The following SH3RF2 variants were observed in gnomAD, a reference collection of about 807,000 sequenced individuals.
SH3RF2 encodes the protein SH3 domain containing ring finger 2, also known as E3 ubiquitin-protein ligase SH3RF2.
Under a neutral mutation model 59.0 loss-of-function variants are expected in SH3RF2, and 43 were observed. The observed-to-expected ratio is 0.73, with a 90% CI of 0.57 to 0.94. SH3RF2 has a LOEUF of 0.94. Among genes scored for constraint, SH3RF2 ranks in the 40% least tolerant of loss-of-function variants. The pLI is 0.00. For synonymous variants in SH3RF2, 391 were observed against 391.5 expected (o/e 1.00, Z 0.01); for missense variants, 930 against 940.1 (o/e 0.99, Z 0.14).
chr5:146,028,788 A>C (rs769013302), intron 5 of SH3RF2, among the ~76,000 whole-genome samples: 1 of 152,218 alleles, frequency 6.6e-6, no homozygotes, highest in Non-Finnish European at 1.5e-5. Context: ...TAGCCCCAGC[A>C]GACCACTCTT....
intron 2 of SH3RF2, among the ~76,000 whole-genome samples, chr5:145,992,597 C>A (rs910935560): frequency 6.6e-6 from 1 of 152,126 alleles, no homozygotes; most frequent in African/African-American, 2.4e-5. Context: ...ACAATCATGG[C>A]AGAAGGCAAG....
intron 5 of SH3RF2, among the ~76,000 whole-genome samples, chr5:146,018,201 T>G (rs1761178373): frequency 6.6e-6 from 1 of 152,028 alleles, no homozygotes; most frequent in Non-Finnish European, 1.5e-5. Flanking sequence ...ATCACCGGAG[T>G]AGCCTCCATT....
At chr5:145,950,252 C>T (rs558773068) in intron 2 of SH3RF2, among the ~76,000 whole-genome samples, 3 of 152,116 alleles carry the variant, frequency 2.0e-5, no homozygotes, top group Non-Finnish European at 4.4e-5. Flanking sequence ...GAACTTGAAC[C>T]AGGTCTGCCT....
chr5:145,974,067 G>T (rs910186159), intron 2 of SH3RF2, among the ~76,000 whole-genome samples: 2 of 152,172 alleles, frequency 1.3e-5, no homozygotes, highest in Non-Finnish European at 2.9e-5. Context: ...CTGAGGAAGG[G>T]TTCACTTCCA....
chr5:145,970,524 A>G (rs1473873748), intron 2 of SH3RF2, among the ~76,000 whole-genome samples: 1 of 152,134 alleles, frequency 6.6e-6, no homozygotes, highest in African/African-American at 2.4e-5. Context: ...TCATTGGTTG[A>G]TGGGCATTTA....
intron 5 of SH3RF2, among the ~76,000 whole-genome samples, chr5:146,016,848 G>C (rs1294005523): frequency 6.6e-6 from 1 of 152,076 alleles, no homozygotes; most frequent in Non-Finnish European, 1.5e-5. Flanking sequence ...TTTGTCCTAA[G>C]TCTTTTGCAC....
At position 146,056,186 on chromosome 5, in the gene SH3RF2, C is replaced by A; in HGVS notation, c.1528C>A (p.Arg510=). 1 of 1,614,120 alleles carries A rather than the reference C, an allele frequency of 6.2e-7. No homozygotes were observed. Among genetic ancestry groups the A allele is most frequent in the Non-Finnish European group, 8.5e-7 (1 of 1,180,030 alleles). ...TGGGACTTTAGGACAAGGGTCTCTT[C>A]GGAAAGGGCGGAGCAGCATGAGAAA... ...GPGTLGQGSL[R]KGRSSMRKNG... is the part of the protein sequence containing the mutation. Residue 510 remains arginine, a synonymous_variant, in exon 8 of 10, where the codon CGG becomes AGG. Coordinates refer to ENST00000359120, the MANE Select transcript of SH3RF2 (RefSeq NM_152550.4).
At chr5:145,940,188 G>A (rs558636192) in intron 2 of SH3RF2, among the ~76,000 whole-genome samples, 1 of 152,158 alleles carries the variant, frequency 6.6e-6, no homozygotes, top group Admixed American at 6.5e-5. Flanking sequence ...AAGTCCTGTG[G>A]TGAGGCTGAA....
chr5:145,997,208 C>T (rs1760199593), intron 2 of SH3RF2: 1 of 836,462 alleles, frequency 1.2e-6, no homozygotes, highest in Admixed American at 1.8e-5. Context: ...GATTTTCACC[C>T]TGCTAGTAGA....
At chr5:145,939,272 C>T (rs1173735005) in intron 2 of SH3RF2, among the ~76,000 whole-genome samples, 2 of 152,224 alleles carry the variant, frequency 1.3e-5, no homozygotes, top group African/African-American at 4.8e-5. Flanking sequence ...AAAATCAAAG[C>T]TACATTCCTT....
At chr5:146,031,664 C>T (rs11739231) in intron 5 of SH3RF2, among the ~76,000 whole-genome samples, 45,317 of 152,126 alleles carry the variant, frequency 0.3, 7,929 homozygotes, top group Non-Finnish European at 0.38. Flanking sequence ...ATCATTTTGC[C>T]TTGCTTGCTC....
chr5:145,997,968 T>G, intron 2 of SH3RF2: 1 of 775,656 alleles, frequency 1.3e-6, no homozygotes. Context: ...GGATCACAGG[T>G]GGTCCCACCC....
intron 2 of SH3RF2, chr5:145,997,909 C>A: frequency 2.3e-6 from 2 of 865,872 alleles, no homozygotes; most frequent in Non-Finnish European, 4.0e-6. Flanking sequence ...AACACCAAAT[C>A]AGAATCCACC....
Position 146,002,388 on chromosome 5 carries a change from T to G in SH3RF2, c.649-1670T>G, listed in dbSNP as rs189725484. Among the ~76,000 whole-genome samples, 205 of 150,948 alleles carry G rather than the reference T, an allele frequency of 1.4e-3. 1 individual carries two copies. The highest frequency in any genetic ancestry group is 4.6e-3 in the African/African-American group (190 of 40,948). On this transcript the variant is annotated intron_variant, in intron 3 of 9. Transcript: ENST00000359120. ...ATCGCTTGAACCCAGGAGGCGGAGG[T>G]TGCAGTGAGCCAAGTTCGCGCCATT... is the stretch of plus-strand genomic sequence containing the variant.
At chr5:146,016,989 T>C (rs78897070) in intron 5 of SH3RF2, among the ~76,000 whole-genome samples, 3,744 of 152,314 alleles carry the variant, frequency 0.025, 163 homozygotes, top group African/African-American at 0.086. Context: ...TAGAGACAAG[T>C]CTTGGATTGT....
intron 5 of SH3RF2, among the ~76,000 whole-genome samples, chr5:146,018,681 T>C (rs1353295884): frequency 2.0e-5 from 3 of 152,134 alleles, no homozygotes; most frequent in Admixed American, 2.0e-4. Flanking sequence ...GGTAGATCTA[T>C]TTTCAGTTCT....
At chr5:146,050,327 G>T (rs1229698653) in intron 7 of SH3RF2, among the ~76,000 whole-genome samples, 1 of 152,116 alleles carries the variant, frequency 6.6e-6, no homozygotes, top group Non-Finnish European at 1.5e-5. Flanking sequence ...AGAACATCTT[G>T]GTTCAATAAA....
intron 2 of SH3RF2, among the ~76,000 whole-genome samples, chr5:145,943,808 A>G (rs563323058): frequency 2.8e-4 from 43 of 152,312 alleles, no homozygotes; most frequent in African/African-American, 9.9e-4. Flanking sequence ...GCTCTGAGGC[A>G]ATGGGTGGGG....
chr5:145,970,002 G>A (rs192944918), intron 2 of SH3RF2, among the ~76,000 whole-genome samples: 1 of 152,178 alleles, frequency 6.6e-6, no homozygotes, highest in Non-Finnish European at 1.5e-5. Context: ...GAAGAGATTC[G>A]GGTGCAAAAT....
Sources: allele counts gnomAD v4.1 joint callset (sites outside exome capture counted in the v4.1 genomes callset), GRCh38; gene constraint gnomAD v4.1.1; transcripts MANE v1.5; gene names NCBI Gene and HGNC (gene_info 2026-07-23, HGNC 2026-07-21).